The following SOAT1 variants were observed in gnomAD, a reference collection of about 807,000 sequenced individuals.
SOAT1 encodes the protein sterol O-acyltransferase 1.
In SOAT1, 55 loss-of-function variants were observed where a neutral mutation model predicts 69.5. The observed-to-expected ratio is 0.79, with a 90% CI of 0.64 to 0.99. The LOEUF (loss-of-function observed/expected upper bound fraction) is 0.99. Among genes scored for constraint, SOAT1 ranks in the 50% least tolerant of loss-of-function variants. The pLI is 0.00. For missense variants in SOAT1, 580 were observed against 669.3 expected (o/e 0.87, Z 1.47); for synonymous variants, 231 against 224.7 (o/e 1.03, Z -0.25).
intron 1 of SOAT1, among the ~76,000 whole-genome samples, chr1:179,296,949 T>C (rs1664670416): frequency 6.6e-6 from 1 of 152,212 alleles, no homozygotes; most frequent in South Asian, 2.1e-4. Context: ...CAGATTAGAT[T>C]CTTAAGAAAT....
chr1:179,321,096 G>A (rs1357449793), intron 2 of SOAT1, among the ~76,000 whole-genome samples: 1 of 151,964 alleles, frequency 6.6e-6, no homozygotes, highest in East Asian at 1.9e-4. Flanking sequence ...TAGTAGAGGT[G>A]GGGTTTTGCC....
intron 5 of SOAT1, among the ~76,000 whole-genome samples, chr1:179,338,761 T>C (rs1417672324): frequency 6.6e-6 from 1 of 152,152 alleles, no homozygotes; most frequent in Non-Finnish European, 1.5e-5. Context: ...TAAAAAAATT[T>C]TTAACCAAGG....
Position 179,353,744 on chromosome 1 carries a change from C to A in SOAT1, c.*103C>A. ...ACTGAAGTTATCTGTGTTATTTGGACCACTCCAGGCTTTACAGATGACTCA... is the reference window on the plus strand; with the variant it reads ...ACTGAAGTTATCTGTGTTATTTGGAACACTCCAGGCTTTACAGATGACTCA... On this transcript the variant is annotated 3_prime_UTR_variant, in exon 16 of 16. Coordinates refer to ENST00000367619, the MANE Select transcript of SOAT1 (RefSeq NM_003101.6). The A allele has an allele frequency of 1.0e-6, 1 of 976,168 alleles. No homozygotes were observed. The allele number at this position is 976,168 out of a possible 1,614,324, so 60.5% of individuals were successfully genotyped here. A position where few individuals can be genotyped will look rare whatever the true frequency, so the allele number is the denominator to read the frequency against.
At chr1:179,344,330 G>A (rs1666444368) in intron 10 of SOAT1, among the ~76,000 whole-genome samples, 2 of 134,226 alleles carry the variant, frequency 1.5e-5, no homozygotes, top group African/African-American at 5.4e-5. Flanking sequence ...GCCCATTTAT[G>A]AAGTAAGTTC....
rs1666877967 is a variant in SOAT1 at position 179,355,561 on chromosome 1, G to T, written c.*1920G>T. ...CCTGTTTGTTTGTTTGTTTGTTTTT[G>T]AGACAGAGTCTTGCTCTGTCGCCGG... is the stretch of plus-strand genomic sequence containing the variant. On this transcript the variant is annotated 3_prime_UTR_variant, in exon 16 of 16. Transcript: ENST00000367619. 6.5e-6 allele frequency: 1 copy of T among 153,806 alleles called. No individual in the cohort carries two copies. Among genetic ancestry groups the T allele is most frequent in the Admixed American group, 6.5e-5 (1 of 15,272 alleles). The allele number at this position is 153,806 out of a possible 1,614,324, so 9.5% of individuals were successfully genotyped here.
chr1:179,315,080 A>G (rs1216870955), intron 2 of SOAT1, among the ~76,000 whole-genome samples: 2 of 152,200 alleles, frequency 1.3e-5, no homozygotes, highest in African/African-American at 4.8e-5. Context: ...GTCCTGGCTT[A>G]TCATTGTTTC....
In SOAT1 at chr1:179,350,339, T is replaced by C; in HGVS notation, c.1358T>C (p.Phe453Ser). 3.7e-6 allele frequency: 6 copies of C among 1,614,090 alleles called. No individual in the cohort carries two copies. The highest frequency in any genetic ancestry group is 5.1e-6 in the Non-Finnish European group (6 of 1,179,968). The stretch of plus-strand genomic sequence containing the variant: ...AAATCTGCTGCCATGTTAGCTGTCT[T>C]TGCTGTATCTGCTGTAGTACACGAA... ...RFKSAAMLAVFAVSAVVHEYA... is the reference protein window; with the variant it reads ...RFKSAAMLAVSAVSAVVHEYA... Residue 453 changes from phenylalanine (F) to serine (S), a missense_variant, in exon 14 of 16, where the codon TTT becomes TCT. By Grantham distance (155) the Phe-to-Ser change is radical. Transcript: ENST00000367619.
chr1:179,337,137 G>T (rs1012722611), intron 4 of SOAT1, among the ~76,000 whole-genome samples: 1 of 152,198 alleles, frequency 6.6e-6, no homozygotes, highest in African/African-American at 2.4e-5. Context: ...GCTAATATGT[G>T]TTAACTTGCC....
chr1:179,347,786 C>G, intron 12 of SOAT1, 89 bp downstream of exon 12: 1 of 729,100 alleles, frequency 1.4e-6, no homozygotes, highest in South Asian at 1.9e-5. Flanking sequence ...ATGTCACCAG[C>G]CTTTCACACA....
chr1:179,331,575 T>C (rs1443144535), intron 3 of SOAT1, among the ~76,000 whole-genome samples: 1 of 152,146 alleles, frequency 6.6e-6, no homozygotes, highest in African/African-American at 2.4e-5. Flanking sequence ...CCGTCTCTAC[T>C]AAAAATACAA....
chr1:179,306,325 T>C (rs1665002244), intron 2 of SOAT1, among the ~76,000 whole-genome samples: 1 of 152,162 alleles, frequency 6.6e-6, no homozygotes, highest in South Asian at 2.1e-4. Context: ...TGGCTCTAAA[T>C]TTGACACATG....
In SOAT1 at chr1:179,342,938, T is replaced by C; in HGVS notation, c.936T>C (p.Tyr312=). Residue 312 remains tyrosine (Y), a synonymous_variant, in exon 9 of 16, where the codon TAT becomes TAC. Coordinates refer to ENST00000367619, the MANE Select transcript of SOAT1 (RefSeq NM_003101.6). ...FAPTLIYRDS[Y]PRNPTVRWGY... ...CTACCCTTATCTACCGTGACAGCTA[T>C]CCCAGGTAATGGTACTGTGAACCAG... The C allele has an allele frequency of 6.2e-7, 1 of 1,611,838 alleles. No individual in the cohort carries two copies.
At chr1:179,304,463 A>G (rs1473097258) in intron 2 of SOAT1, among the ~76,000 whole-genome samples, 1 of 151,908 alleles carries the variant, frequency 6.6e-6, no homozygotes, top group Non-Finnish European at 1.5e-5. Context: ...TTTTTAGTAG[A>G]GATGGGATTT....
chr1:179,308,857 A>C (rs990126398), intron 2 of SOAT1, among the ~76,000 whole-genome samples: 3 of 151,914 alleles, frequency 2.0e-5, no homozygotes, highest in African/African-American at 7.3e-5. Flanking sequence ...CTCTTCTGCA[A>C]TTTGTTTCTT....
At position 179,336,021 on chromosome 1, in the gene SOAT1, G is replaced by A. The variant is rs573776192; in HGVS notation, c.329+364G>A. Among the ~76,000 whole-genome samples, 198 of 151,950 alleles carry A rather than the reference G, an allele frequency of 1.3e-3. 1 individual carries two copies. Among genetic ancestry groups the A allele is most frequent in the Non-Finnish European group, 2.4e-3 (165 of 67,954 alleles). On this transcript the variant is annotated intron_variant, in intron 4 of 15. Coordinates refer to ENST00000367619, the MANE Select transcript of SOAT1 (RefSeq NM_003101.6). ...TCTACTAAAAATACAAAATTTAGCCGGGCGTGGTGGCGGGCGTCTGTAATT... is the reference window on the plus strand; with the variant it reads ...TCTACTAAAAATACAAAATTTAGCCAGGCGTGGTGGCGGGCGTCTGTAATT...
intron 4 of SOAT1, among the ~76,000 whole-genome samples, chr1:179,336,306 T>G (rs561406008): frequency 1.9e-4 from 29 of 151,498 alleles, no homozygotes; most frequent in Middle Eastern, 3.4e-3. Flanking sequence ...CTACCAAAAA[T>G]ACAACAATTA....
chr1:179,346,561 C>T (rs1337977773), intron 11 of SOAT1, among the ~76,000 whole-genome samples: 1 of 152,084 alleles, frequency 6.6e-6, no homozygotes, highest in Non-Finnish European at 1.5e-5. Flanking sequence ...TGGCATAAAC[C>T]CAGTTGTGGA....
chr1:179,339,858 C>T (rs7544217), intron 6 of SOAT1, among the ~76,000 whole-genome samples: 31,663 of 152,066 alleles, frequency 0.21, 3,638 homozygotes, highest in East Asian at 0.46. Flanking sequence ...TCTATTTATA[C>T]ACAGAATTTT....
intron 10 of SOAT1, 108 bp downstream of exon 10, chr1:179,343,743 G>A: frequency 1.3e-6 from 1 of 792,466 alleles, no homozygotes. Flanking sequence ...AATGCTTTCT[G>A]TTGACATTAT....
Sources: allele counts gnomAD v4.1 joint callset (sites outside exome capture counted in the v4.1 genomes callset), GRCh38; gene constraint gnomAD v4.1.1; transcripts MANE v1.5; gene names NCBI Gene and HGNC (gene_info 2026-07-23, HGNC 2026-07-21).